KLF16: variants seen among roughly 807,000 people sequenced by gnomAD.
KLF16 encodes the protein Krueppel-like factor 16.
Under a neutral mutation model 6.1 loss-of-function variants are expected in KLF16, and 6 were observed. The observed-to-expected ratio is 0.98, with a 90% confidence interval of 0.54 to 1.93. The LOEUF (loss-of-function observed/expected upper bound fraction) is 1.93. Among genes scored for constraint, KLF16 ranks in the 30% most tolerant of loss-of-function variants. The probability of loss-of-function intolerance (pLI) is 0.01; values close to 1 mark genes in which losing one functional copy is unlikely to be tolerated. For synonymous variants in KLF16, 211 were observed against 176.5 expected (o/e 1.20, Z -1.55); for missense variants, 355 against 363.8 (o/e 0.98, Z 0.20).
chr19:1,875,706 G>A, the KLF16 span: 1 of 152,478 alleles, frequency 6.6e-6, no homozygotes, highest in East Asian at 1.9e-4. Flanking sequence ...GACCAGCGCA[G>A]CGCCCAAGGG....
intron 1 of KLF16, among the ~76,000 whole-genome samples, chr19:1,855,638 C>T (rs2011934865): frequency 6.6e-6 from 1 of 152,254 alleles, no homozygotes; most frequent in African/African-American, 2.4e-5. Flanking sequence ...TGGGTCTTTG[C>T]TCTAGAACTG....
upstream of KLF16, among the ~76,000 whole-genome samples, chr19:1,864,645 C>T (rs2012154850): frequency 6.6e-6 from 1 of 152,102 alleles, no homozygotes; most frequent in South Asian, 2.1e-4. Context: ...ACACCGGGGT[C>T]CGGGGCTTCT....
rs949799722 is a variant in KLF16, at chr19:1,854,077, G to A, written c.*382C>T. 3 of 214,860 alleles carry A rather than the reference G, an allele frequency of 1.4e-5. No individual in the cohort carries two copies. The allele number at this position is 214,860 out of a possible 1,614,324, so 13.3% of individuals were successfully genotyped here. ...CATCCCAATCTGCAGGGATGGGGCA[G>A]GGGGTGCTTTCCCCGGGCCGGCTCC... On this transcript the variant is annotated 3_prime_UTR_variant, in exon 2 of 2. Coordinates refer to ENST00000250916, the MANE Select transcript of KLF16 (RefSeq NM_031918.4).
upstream of KLF16, among the ~76,000 whole-genome samples, chr19:1,864,185 C>T (rs1476839285): frequency 1.3e-5 from 2 of 151,544 alleles, no homozygotes; most frequent in East Asian, 2.0e-4. Flanking sequence ...CCCGGGCGCG[C>T]CCCCGTTCGC....
the KLF16 span, among the ~76,000 whole-genome samples, chr19:1,872,965 T>C: frequency 1.3e-5 from 2 of 152,046 alleles, no homozygotes; most frequent in African/African-American, 4.8e-5. Context: ...ACCTTGATCC[T>C]GACACCCGGA....
At chr19:1,864,156 CG>C (rs1158523612), upstream of KLF16, among the ~76,000 whole-genome samples, 10 of 150,756 alleles carry the variant, frequency 6.6e-5, no homozygotes, top group Non-Finnish European at 1.2e-4. Context: ...GCCCCCTCCC[CG>C]GATGCTTCCC....
chr19:1,865,003 C>A (rs1468120052), upstream of KLF16, among the ~76,000 whole-genome samples: 3 of 152,226 alleles, frequency 2.0e-5, no homozygotes, highest in South Asian at 4.1e-4. Flanking sequence ...GCTTCTCTAG[C>A]CCCATCCCCC....
At chr19:1,874,817 A>T in the KLF16 span, 2 of 150,114 alleles carry the variant, frequency 1.3e-5, no homozygotes, top group Non-Finnish European at 3.0e-5. Context: ...TTAATCTGTA[A>T]AGTGCACCTA....
In KLF16 at chr19:1,863,395, C is replaced by A; in HGVS notation, c.103G>T (p.Ala35Ser). 2.0e-6 allele frequency: 2 copies of A among 986,514 alleles called. No individual in the cohort carries two copies. The highest frequency in any genetic ancestry group is 1.8e-5 in the African/African-American group (1 of 56,400). The allele number at this position is 986,514 out of a possible 1,614,324, so 61.1% of individuals were successfully genotyped here. A position where few individuals can be genotyped will look rare whatever the true frequency, so the allele number is the denominator to read the frequency against. Reference protein sequence around the residue: ...VHRGRPGPEGAGPAAGLDVRA... With the variant: ...VHRGRPGPEGSGPAAGLDVRA... ...ACATCCAGGCCGGCGGCGGGGCCCG[C>A]GCCCTCGGGGCCGGGCCGCCCGCGG... The change falls in exon 1 of 2, where the codon GCG becomes TCG. Residue 35 changes from alanine to serine, a missense_variant. Transcript: ENST00000250916.
the KLF16 span, chr19:1,874,759 A>AC: frequency 6.8e-6 from 1 of 147,312 alleles, no homozygotes; most frequent in African/African-American, 2.5e-5. Flanking sequence ...AAAAAAAAAA[A>AC]AAAAAAAAAA....
intron 1 of KLF16, chr19:1,862,804 C>T (rs991322252): frequency 8.3e-6 from 3 of 360,660 alleles, no homozygotes; most frequent in Admixed American, 4.7e-5. Context: ...CTCGCTGGGC[C>T]CCCGGAGCCC....
the KLF16 span, among the ~76,000 whole-genome samples, chr19:1,872,807 C>T: frequency 6.6e-6 from 1 of 152,008 alleles, no homozygotes; most frequent in African/African-American, 2.4e-5. Flanking sequence ...AGCCCAGAAT[C>T]GTTGTGAAGA....
At chr19:1,871,428 C>G in the KLF16 span, among the ~76,000 whole-genome samples, 1 of 152,120 alleles carries the variant, frequency 6.6e-6, no homozygotes, top group Non-Finnish European at 1.5e-5. Context: ...ACGGTGTGAC[C>G]CTGACCTCTC....
intron 1 of KLF16, among the ~76,000 whole-genome samples, chr19:1,856,446 C>T (rs1445396704): frequency 6.6e-6 from 1 of 152,200 alleles, no homozygotes; most frequent in Admixed American, 6.5e-5. Context: ...CCCCCCTCCC[C>T]AAGAGGTTGT....
the KLF16 span, among the ~76,000 whole-genome samples, chr19:1,871,882 T>G: frequency 3.8e-4 from 58 of 152,150 alleles, no homozygotes; most frequent in African/African-American, 1.1e-3. Context: ...CAAGGCCTCC[T>G]CCATCCTGCA....
At chr19:1,855,198 G>C (rs1191960324) in intron 1 of KLF16, among the ~76,000 whole-genome samples, 1 of 152,190 alleles carries the variant, frequency 6.6e-6, no homozygotes, top group Admixed American at 6.5e-5. Flanking sequence ...CCCCCACCCA[G>C]GGGCATGCAG....
At chr19:1,868,678 CTT>C in the KLF16 span, among the ~76,000 whole-genome samples, 24 of 145,154 alleles carry the variant, frequency 1.7e-4, no homozygotes, top group Admixed American at 2.1e-4. Context: ...GAGTTTCGCT[CTT>C]GTTGTCCAGG....
the KLF16 span, among the ~76,000 whole-genome samples, chr19:1,876,451 G>A: frequency 6.6e-6 from 1 of 152,198 alleles, no homozygotes; most frequent in Non-Finnish European, 1.5e-5. Context: ...CGTGATCCCA[G>A]CTCCAGTGTC....
chr19:1,876,290 G>A, the KLF16 span: 1 of 152,480 alleles, frequency 6.6e-6, no homozygotes, highest in African/African-American at 2.4e-5. Flanking sequence ...ACTAGAGCTA[G>A]CTGGATGCAG....
Sources: gnomAD v4.1 joint callset for allele counts (sites outside exome capture counted in the v4.1 genomes callset) on GRCh38, gnomAD v4.1.1 for gene constraint, MANE v1.5 for transcripts, NCBI Gene and HGNC (gene_info 2026-07-23, HGNC 2026-07-21) for gene names.